AFF3: variants seen among roughly 807,000 people sequenced by gnomAD.
The protein encoded by AFF3 is AF4/FMR2 family member 3.
Under a neutral mutation model 129.7 loss-of-function variants are expected in AFF3, and 32 were observed. The ratio of observed to expected loss-of-function variants is 0.25; its 90% confidence interval spans 0.19 to 0.33. AFF3 has a LOEUF of 0.33. AFF3 is among the 10% of genes least tolerant of loss of function. AFF3 has a pLI of 1.00. For synonymous variants in AFF3, 644 were observed against 635.4 expected (o/e 1.01, Z -0.20); for missense variants, 1,373 against 1,592.0 (o/e 0.86, Z 2.34).
At chr2:99,845,118 A>G (rs1191264801) in intron 7 of AFF3, among the ~76,000 whole-genome samples, 2 of 152,246 alleles carry the variant, frequency 1.3e-5, no homozygotes, top group Non-Finnish European at 2.9e-5. Context: ...ACATTTATTT[A>G]CTTCATTAAA....
At chr2:99,665,083 G>C (rs1686559395) in intron 12 of AFF3, among the ~76,000 whole-genome samples, 1 of 152,244 alleles carries the variant, frequency 6.6e-6, no homozygotes, top group South Asian at 2.1e-4. Context: ...GGAGCTGGGA[G>C]AAGGGCCGGG....
In AFF3 at chr2:100,122,347, T is replaced by C. The variant is rs999780191; in HGVS notation, c.-145+6877A>G. 2.6e-5 allele frequency among the ~76,000 whole-genome samples: 4 copies of C among 152,202 alleles called. No homozygotes were observed. In the South Asian group the frequency reaches 8.3e-4, roughly 32 times the overall value. On this transcript the variant is annotated intron_variant, in intron 2 of 24. Transcript: ENST00000672756. Reference sequence around the variant, plus strand: ...AGAGAACCATCCAAAATCAGAAACTTTATTTCAAATTTATTTATTATCACC... The same window carrying C: ...AGAGAACCATCCAAAATCAGAAACTCTATTTCAAATTTATTTATTATCACC...
intron 4 of AFF3, among the ~76,000 whole-genome samples, chr2:100,054,660 C>T (rs1431105499): frequency 6.6e-6 from 1 of 152,158 alleles, no homozygotes; most frequent in Non-Finnish European, 1.5e-5. Context: ...TCACATAAGC[C>T]AATTCCTTAT....
chr2:99,632,008 C>CTTTTTTT lies in AFF3; in HGVS notation c.1184+17611_1184+17617dup, dbSNP rs745651225. Reference sequence around the variant, plus strand: ...CAATTTATCCACAACCTTGCCAACACTTTTTTTTTTTTTTTTTTTTTTTTT... The same window carrying CTTTTTTT: ...CAATTTATCCACAACCTTGCCAACACTTTTTTTTTTTTTTTTTTTTTTTTTTTTTTTT... On this transcript the variant is annotated intron_variant, in intron 13 of 24. Transcript: ENST00000672756. Among the ~76,000 whole-genome samples, 249 of 76,904 alleles carry CTTTTTTT rather than the reference C, an allele frequency of 3.2e-3. 37 individuals carry two copies. The highest frequency in any genetic ancestry group is 0.013 in the African/African-American group (235 of 18,380). The allele number at this position is 76,904 out of a possible 152,430, so 50.5% of individuals were successfully genotyped here.
At chr2:100,134,506 T>A (rs543367168) in intron 1 of AFF3, among the ~76,000 whole-genome samples, 54 of 152,180 alleles carry the variant, frequency 3.5e-4, no homozygotes, top group Non-Finnish European at 6.6e-4. Context: ...TTCGACAGAG[T>A]CAAAGCTATC....
chr2:100,060,302 G>C (rs1687165059), intron 4 of AFF3, among the ~76,000 whole-genome samples: 1 of 152,126 alleles, frequency 6.6e-6, no homozygotes, highest in Non-Finnish European at 1.5e-5. Context: ...CTCAACACAG[G>C]GTGATCATCT....
At chr2:99,742,211 G>C (rs1680777339) in intron 10 of AFF3, among the ~76,000 whole-genome samples, 1 of 152,044 alleles carries the variant, frequency 6.6e-6, no homozygotes, top group Non-Finnish European at 1.5e-5. Context: ...TTAAAAAGTG[G>C]TATGTGCCTG....
At chr2:100,142,298 C>T (rs748300242) in intron 1 of AFF3, among the ~76,000 whole-genome samples, 186 bp downstream of exon 1, 7 of 152,058 alleles carry the variant, frequency 4.6e-5, no homozygotes, top group Non-Finnish European at 1.0e-4. Flanking sequence ...CTTCTCAATC[C>T]CTCTGGCTGT....
chr2:99,636,598 C>A lies in AFF3; in HGVS notation c.1184+13028G>T, dbSNP rs188170029. ...TAGAGGAAGTCTGTTCAGAATTTGG[C>A]GGATCGAATGGCTGTCCCCAAATAA... On this transcript the variant is annotated intron_variant, in intron 13 of 24. Coordinates refer to ENST00000672756, the MANE Select transcript of AFF3 (RefSeq NM_001386135.1). Among the ~76,000 whole-genome samples, 11 of 152,216 alleles carry A rather than the reference C, an allele frequency of 7.2e-5. No individual in the cohort carries two copies. In the East Asian group the frequency reaches 1.5e-3, roughly 21 times the overall value.
chr2:99,655,758 G>A (rs1053877369), intron 12 of AFF3, among the ~76,000 whole-genome samples: 2 of 152,132 alleles, frequency 1.3e-5, no homozygotes, highest in Admixed American at 1.3e-4. Flanking sequence ...AAAATAGTAC[G>A]GAGGGAGGCA....
At chr2:99,902,717 A>T (rs754822363) in intron 7 of AFF3, among the ~76,000 whole-genome samples, 1 of 152,222 alleles carries the variant, frequency 6.6e-6, no homozygotes, top group Non-Finnish European at 1.5e-5. Flanking sequence ...GCAGTATTAT[A>T]AAGTAATTAA....
At chr2:99,559,910 G>T (rs1294802968) in intron 21 of AFF3, among the ~76,000 whole-genome samples, 2 of 152,250 alleles carry the variant, frequency 1.3e-5, no homozygotes, top group Non-Finnish European at 1.5e-5. Flanking sequence ...AGGGCTGACA[G>T]GTAAAGGAAC....
chr2:99,919,414 G>A (rs956231415), intron 7 of AFF3, among the ~76,000 whole-genome samples: 7 of 152,108 alleles, frequency 4.6e-5, no homozygotes, highest in South Asian at 4.2e-4. Context: ...TGTCGAATAC[G>A]GGATGGCTCC....
intron 8 of AFF3, among the ~76,000 whole-genome samples, chr2:99,796,459 A>G (rs562861065): frequency 1.3e-5 from 2 of 152,352 alleles, no homozygotes; most frequent in African/African-American, 2.4e-5. Context: ...ACATCAAGCA[A>G]CCAACAACTT....
rs142390821 is a variant in AFF3, at chr2:99,864,736, C to T, written c.874-27212G>A. 1.8e-4 allele frequency among the ~76,000 whole-genome samples: 27 copies of T among 152,318 alleles called. No homozygotes were observed. The East Asian group carries it at 5.0e-3, about 28-fold the overall frequency. ...GGGAACACTGCAAGTAACCAAAGGG[C>T]TTCATCGGGGAAAGAGAACTGAAAG... On this transcript the variant is annotated intron_variant, in intron 7 of 24. Transcript: ENST00000672756.
chr2:99,783,305 G>C (rs1416953188), intron 8 of AFF3, among the ~76,000 whole-genome samples: 7 of 152,178 alleles, frequency 4.6e-5, no homozygotes, highest in Non-Finnish European at 1.5e-5. Flanking sequence ...AAAAGCTGTT[G>C]CACACCACCT....
rs575484783 is a variant in AFF3, at chr2:99,732,677, A to AT, written c.1040-5550_1040-5549insA. Among the ~76,000 whole-genome samples, 225 of 152,266 alleles carry AT rather than the reference A, an allele frequency of 1.5e-3. 1 individual carries two copies. Among genetic ancestry groups the AT allele is most frequent in the African/African-American group, 5.2e-3 (218 of 41,554 alleles). ...GGACATTTAGATTTTTGCCATCATG[A>AT]ACAATAGAACTGCAAACATTCATGA... On this transcript the variant is annotated intron_variant, in intron 10 of 24. Transcript: ENST00000672756.
chr2:100,076,831 C>T (rs1313570355), intron 4 of AFF3, among the ~76,000 whole-genome samples: 1 of 152,188 alleles, frequency 6.6e-6, no homozygotes, highest in African/African-American at 2.4e-5. Context: ...CTCTGTAATG[C>T]TATCAACGTT....
intron 11 of AFF3, among the ~76,000 whole-genome samples, chr2:99,675,355 C>T (rs1366473684): frequency 1.3e-5 from 2 of 152,166 alleles, no homozygotes; most frequent in Admixed American, 6.5e-5. Flanking sequence ...CTGGGTGATG[C>T]TATTCCCAAA....
Sources: gnomAD v4.1 joint callset for allele counts (sites outside exome capture counted in the v4.1 genomes callset) on GRCh38, gnomAD v4.1.1 for gene constraint, MANE v1.5 for transcripts, NCBI Gene and HGNC (gene_info 2026-07-23, HGNC 2026-07-21) for gene names.